SOX13: variants seen among roughly 807,000 people sequenced by gnomAD.
SOX13 encodes transcription factor SOX-13.
SOX13 carries 28 observed loss-of-function variants against 71.8 expected under a neutral mutation model. The observed-to-expected ratio is 0.39, with a 90% CI of 0.29 to 0.53. The LOEUF (loss-of-function observed/expected upper bound fraction) is 0.53, where lower values mean the gene tolerates loss of function less well. SOX13 is among the 20% of genes least tolerant of loss of function. The pLI, the probability that SOX13 is intolerant of heterozygous loss-of-function variation, is 0.70. For synonymous variants in SOX13, 309 were observed against 317.8 expected, an observed-to-expected ratio of 0.97 and a Z score of 0.29; for missense variants, 627 against 810.3, an observed-to-expected ratio of 0.77 and a Z score of 2.75.
At chr1:204,124,944 C>A in intron 13 of SOX13, 87 bp downstream of exon 13, 1 of 981,752 alleles carries the variant, frequency 1.0e-6, no homozygotes, top group Non-Finnish European at 1.6e-6. Flanking sequence ...TGTGGCCTGC[C>A]TTTGTGTGTG....
At chr1:204,091,666 T>C (rs1189306227) in intron 1 of SOX13, among the ~76,000 whole-genome samples, 1 of 152,220 alleles carries the variant, frequency 6.6e-6, no homozygotes. Flanking sequence ...GAGTCCTGGC[T>C]CTGCTTCTGA....
chr1:204,079,154 C>T (rs902862391), intron 1 of SOX13, among the ~76,000 whole-genome samples: 1 of 151,896 alleles, frequency 6.6e-6, no homozygotes, highest in Admixed American at 6.6e-5. Context: ...AAAAATTAGC[C>T]GGGCGTGGAG....
chr1:204,091,018 A>T (rs536969741), intron 1 of SOX13, among the ~76,000 whole-genome samples: 6 of 152,324 alleles, frequency 3.9e-5, no homozygotes, highest in African/African-American at 1.4e-4. Context: ...GGGGAACCAG[A>T]GGATCTGTCA....
intron 13 of SOX13, among the ~76,000 whole-genome samples, 153 bp from the exon 14 acceptor site, chr1:204,125,704 TG>T (rs2102269437): frequency 6.6e-6 from 1 of 152,374 alleles, no homozygotes; most frequent in African/African-American, 2.4e-5. Flanking sequence ...CCAGTGAATT[TG>T]GCCATCAGAA....
chr1:204,076,695 C>G (rs1325135830), intron 1 of SOX13, among the ~76,000 whole-genome samples: 1 of 152,208 alleles, frequency 6.6e-6, no homozygotes, highest in Non-Finnish European at 1.5e-5. Flanking sequence ...TCAGACCCTC[C>G]AACCTCCACC....
At chr1:204,108,960 C>G (rs1302855868) in intron 1 of SOX13, among the ~76,000 whole-genome samples, 2 of 152,192 alleles carry the variant, frequency 1.3e-5, no homozygotes, top group South Asian at 2.1e-4. Flanking sequence ...GTAATTGCTG[C>G]CTTCGGCTTC....
At chr1:204,122,613 T>C in intron 9 of SOX13, 2 of 601,166 alleles carry the variant, frequency 3.3e-6, no homozygotes, top group Non-Finnish European at 5.9e-6. Context: ...CAGAGTCACA[T>C]AGTTCCAGGG....
chr1:204,105,484 C>A lies in SOX13; in HGVS notation c.-1-7431C>A, dbSNP rs138049057. Among the ~76,000 whole-genome samples the A allele has an allele frequency of 9.3e-3, 1,387 of 149,342 alleles. 13 individuals carry two copies. The highest frequency in any genetic ancestry group is 0.016 in the Non-Finnish European group (1,060 of 67,868). On this transcript the variant is annotated intron_variant, in intron 1 of 13. Coordinates refer to ENST00000367204, the MANE Select transcript of SOX13 (RefSeq NM_005686.3). ...GCAGCAGTGCAATCTTGGCTCACTG[C>A]AACCTCCGCCTCCTGGGTTTGAGCG... is the stretch of plus-strand genomic sequence containing the variant.
At chr1:204,097,549 G>A (rs1176956495) in intron 1 of SOX13, among the ~76,000 whole-genome samples, 1 of 151,886 alleles carries the variant, frequency 6.6e-6, no homozygotes, top group African/African-American at 2.4e-5. Context: ...AAATTAGCTG[G>A]GCGTGGTGGC....
chr1:204,101,519 G>A (rs866172642), intron 1 of SOX13, among the ~76,000 whole-genome samples: 1 of 36,834 alleles, frequency 2.7e-5, no homozygotes, highest in Non-Finnish European at 5.6e-5. Context: ...AAAAAAAAAA[G>A]TGGCAGGAGG....
At chr1:204,115,475 G>GGT (rs1451729677) in intron 4 of SOX13, among the ~76,000 whole-genome samples, 1 of 58,942 alleles carries the variant, frequency 1.7e-5, no homozygotes, top group African/African-American at 7.1e-5. Flanking sequence ...TTCCGATGTT[G>GGT]TTTTTTTTTT....
intron 1 of SOX13, among the ~76,000 whole-genome samples, chr1:204,075,756 A>T (rs1363108428): frequency 6.6e-6 from 1 of 152,180 alleles, no homozygotes; most frequent in Non-Finnish European, 1.5e-5. Flanking sequence ...TCAGCCATAA[A>T]ATAGGGTTAA....
At chr1:204,121,481 T>C (rs897078923) in intron 7 of SOX13, among the ~76,000 whole-genome samples, 5 of 152,216 alleles carry the variant, frequency 3.3e-5, no homozygotes, top group Admixed American at 1.3e-4. Context: ...GCCCCTGTTA[T>C]ATATCACATA....
chr1:204,126,157 C>T lies in SOX13; in HGVS notation c.*23C>T, dbSNP rs537600797. 4.4e-6 allele frequency: 7 copies of T among 1,607,598 alleles called. No homozygotes were observed. The East Asian group carries it at 1.6e-4, about 36-fold the overall frequency. Reference sequence around the variant, plus strand: ...TGATCCCGGCTGGGTGGGCCTGGCCCCTTCTCCTCTGGGGAAGACCTTGTC... The same window carrying T: ...TGATCCCGGCTGGGTGGGCCTGGCCTCTTCTCCTCTGGGGAAGACCTTGTC... On this transcript the variant is annotated 3_prime_UTR_variant, in exon 14 of 14. Transcript: ENST00000367204.
chr1:204,114,715 G>T (rs1656654578), intron 4 of SOX13, 110 bp downstream of exon 4: 2 of 818,882 alleles, frequency 2.4e-6, no homozygotes, highest in Non-Finnish European at 4.2e-6. Context: ...CCTATCCTGT[G>T]CCATCTGGCT....
intron 1 of SOX13, among the ~76,000 whole-genome samples, chr1:204,095,313 G>T (rs550497108): frequency 6.6e-6 from 1 of 152,246 alleles, no homozygotes; most frequent in East Asian, 1.9e-4. Context: ...TGTCGTCTGG[G>T]TCCCTTGAAC....
At chr1:204,117,475 T>G (rs577418430) in intron 6 of SOX13, 118 bp from the exon 7 acceptor site, 2 of 706,550 alleles carry the variant, frequency 2.8e-6, no homozygotes, top group South Asian at 3.6e-5. Context: ...TGGAAAACTG[T>G]CCCTGCTTTA....
chr1:204,123,563 C>T lies in SOX13; in HGVS notation c.1232-98C>T, dbSNP rs1267005789. On this transcript the variant is annotated intron_variant, in intron 11 of 13. Coordinates refer to ENST00000367204, the MANE Select transcript of SOX13 (RefSeq NM_005686.3). This position sits in a 1 kb window ranked among gnomAD's most constrained non-coding sequence, Gnocchi z 5.0. ...GGCTGCTGTGGGAGCCTCCTCAGTG[C>T]CTCCTGCTGGTCAAGTAGGGGACGT... 6 of 1,340,972 alleles carry T rather than the reference C, an allele frequency of 4.5e-6. No individual in the cohort carries two copies. Among genetic ancestry groups the T allele is most frequent in the African/African-American group, 1.5e-5 (1 of 68,600 alleles). The allele number at this position is 1,340,972 out of a possible 1,614,324, so 83.1% of individuals were successfully genotyped here.
chr1:204,100,338 G>A lies in SOX13; in HGVS notation c.-1-12577G>A, dbSNP rs574132639. Among the ~76,000 whole-genome samples the A allele has an allele frequency of 6.2e-4, 95 of 152,294 alleles. 1 individual carries two copies. The highest frequency in any genetic ancestry group is 2.2e-3 in the African/African-American group (92 of 41,572). ...CTATTATTAGTATTGTGGGTTCCAC[G>A]TGTCAGGATCCCTTCCTGGGTTGTA... is the stretch of plus-strand genomic sequence containing the variant. On this transcript the variant is annotated intron_variant, in intron 1 of 13. Coordinates refer to ENST00000367204, the MANE Select transcript of SOX13 (RefSeq NM_005686.3).
Sources: gnomAD v4.1 joint callset for allele counts (sites outside exome capture counted in the v4.1 genomes callset) on GRCh38, gnomAD v4.1.1 for gene constraint, Gnocchi (gnomAD v3.1) non-coding constraint, MANE v1.5 for transcripts, NCBI Gene and HGNC (gene_info 2026-07-23, HGNC 2026-07-21) for gene names.